YTHDF3: variants seen among roughly 807,000 people sequenced by gnomAD.
The protein encoded by YTHDF3 is YTH N6-methyladenosine RNA binding protein F3.
A neutral mutation model predicts 52.5 loss-of-function variants in YTHDF3; 9 were observed. The observed-to-expected ratio is 0.17, with a 90% CI of 0.10 to 0.30. The LOEUF (loss-of-function observed/expected upper bound fraction) is 0.30, where lower values mean the gene tolerates loss of function less well. YTHDF3 is among the 10% of genes least tolerant of loss of function. YTHDF3 has a pLI of 1.00. For missense variants in YTHDF3, 534 were observed against 715.0 expected (o/e 0.75, Z 2.89); for synonymous variants, 274 against 243.3 (o/e 1.13, Z -1.18).
intron 3 of YTHDF3, among the ~76,000 whole-genome samples, chr8:63,181,108 TGAA>T (rs1466049683): frequency 6.6e-6 from 1 of 152,234 alleles, no homozygotes; most frequent in Non-Finnish European, 1.5e-5. Context: ...CATATAAATT[TGAA>T]GAATAATTTG....
At position 63,211,547 on chromosome 8, in the gene YTHDF3, A is replaced by T. The variant is rs1481187543; in HGVS notation, c.*1841A>T. The T allele has an allele frequency of 1.3e-5, 2 of 152,576 alleles. No individual in the cohort carries two copies. Among genetic ancestry groups the T allele is most frequent in the Non-Finnish European group, 2.9e-5 (2 of 68,004 alleles). 9.5% of individuals were successfully genotyped at this position (152,576 alleles called of 1,614,324 possible). A position where few individuals can be genotyped will look rare whatever the true frequency, so the allele number is the denominator to read the frequency against. ...GTCATTCTGGAGGTCCTATTAGAGA[A>T]TATTATAAAAGGGTGACCTTGTAGG... On this transcript the variant is annotated 3_prime_UTR_variant, in exon 5 of 5. Transcript: ENST00000539294.
At chr8:63,169,787 T>A in intron 2 of YTHDF3, among the ~76,000 whole-genome samples, 1 of 152,218 alleles carries the variant, frequency 6.6e-6, no homozygotes, top group Non-Finnish European at 1.5e-5. Flanking sequence ...CATGTCTGGA[T>A]TACACTGGAA....
chr8:63,170,661 A>G (rs1322485382), intron 2 of YTHDF3, among the ~76,000 whole-genome samples: 2 of 152,164 alleles, frequency 1.3e-5, no homozygotes, highest in African/African-American at 2.4e-5. Flanking sequence ...TTCTTTTGCT[A>G]GTCTACCCAT....
intron 4 of YTHDF3, among the ~76,000 whole-genome samples, chr8:63,200,776 T>C (rs1809580191): frequency 6.6e-6 from 1 of 152,216 alleles, no homozygotes; most frequent in Non-Finnish European, 1.5e-5. Flanking sequence ...TTCTAGCAAA[T>C]ACAATTTTGA....
At chr8:63,191,418 T>C (rs552204152) in intron 4 of YTHDF3, among the ~76,000 whole-genome samples, 36 of 152,302 alleles carry the variant, frequency 2.4e-4, no homozygotes, top group African/African-American at 8.2e-4. Flanking sequence ...GGTTTTGCAT[T>C]CTTCACTGAT....
intron 4 of YTHDF3, among the ~76,000 whole-genome samples, chr8:63,192,815 C>T (rs886066095): frequency 1.4e-4 from 19 of 140,294 alleles, no homozygotes; most frequent in Non-Finnish European, 7.5e-5. Context: ...ACTACTTATG[C>T]CTTTTTTTTT....
intron 3 of YTHDF3, among the ~76,000 whole-genome samples, chr8:63,177,198 A>G (rs1036641546): frequency 2.6e-5 from 4 of 152,318 alleles, no homozygotes; most frequent in Non-Finnish European, 4.4e-5. Context: ...CAGTAGAGTT[A>G]TAGGGAAAAT....
At chr8:63,195,731 CGTGTGTGTGTGT>C (rs61277098) in intron 4 of YTHDF3, among the ~76,000 whole-genome samples, 7 of 145,360 alleles carry the variant, frequency 4.8e-5, no homozygotes, top group Middle Eastern at 3.5e-3. Flanking sequence ...CATGTATTTA[CGTGTGTGTGTGT>C]GTGTGTGTGT....
intron 1 of YTHDF3, 51 bp from the exon 2 acceptor site, chr8:63,169,336 T>C (rs1431341884): frequency 6.4e-7 from 1 of 1,570,352 alleles, no homozygotes; most frequent in Non-Finnish European, 8.7e-7. Flanking sequence ...ACACACTTTT[T>C]CTTTTCTTCC....
chr8:63,187,721 A>G lies in YTHDF3; in HGVS notation c.1710A>G (p.Gln570=). The change falls in exon 4 of 5, where the codon CAA becomes CAG. Residue 570 remains glutamine (Q), a synonymous_variant. Transcript: ENST00000539294. The part of the protein sequence containing the change: ...FDDFAHYEKR[Q]EEEEAMRRER... The stretch of plus-strand genomic sequence containing the variant: ...ACTTTGCACATTATGAAAAGCGTCA[A>G]GAAGAGGAGGAAGCCATGCGTAGGG... The G allele has an allele frequency of 1.9e-6, 3 of 1,609,298 alleles. No homozygotes were observed. The highest frequency in any genetic ancestry group is 2.5e-6 in the Non-Finnish European group (3 of 1,177,570).
chr8:63,203,976 C>T lies in YTHDF3; in HGVS notation c.1735-5707C>T, dbSNP rs115543419. Among the ~76,000 whole-genome samples, 812 of 152,222 alleles carry T rather than the reference C, an allele frequency of 5.3e-3. 11 individuals carry two copies. Among genetic ancestry groups the T allele is most frequent in the African/African-American group, 0.019 (788 of 41,546 alleles). ...AAGTGGTGTCTGCTAGGTTTCTCCACCATAAAATGTTCTGTTATTCCCTTT... is the reference window on the plus strand; with the variant it reads ...AAGTGGTGTCTGCTAGGTTTCTCCATCATAAAATGTTCTGTTATTCCCTTT... On this transcript the variant is annotated intron_variant, in intron 4 of 4. Transcript: ENST00000539294.
intron 3 of YTHDF3, among the ~76,000 whole-genome samples, chr8:63,179,473 G>A (rs969921840): frequency 6.6e-6 from 1 of 152,110 alleles, no homozygotes; most frequent in South Asian, 2.1e-4. Flanking sequence ...ATCTTGCACC[G>A]CTCTTAATCC....
rs957811627 is a variant in YTHDF3, at chr8:63,212,372, C to T, written c.*2666C>T. The T allele has an allele frequency of 2.6e-5, 4 of 152,422 alleles. No individual in the cohort carries two copies. In the East Asian group the frequency reaches 5.8e-4, roughly 22 times the overall value. The allele number at this position is 152,422 out of a possible 1,614,324, so 9.4% of individuals were successfully genotyped here. A position where few individuals can be genotyped will look rare whatever the true frequency, so the allele number is the denominator to read the frequency against. ...TTTAATTTAAGTGATCTTTCTAATTCGAAAGCTGTGTTCTTTTTGAATACC... is the reference window on the plus strand; with the variant it reads ...TTTAATTTAAGTGATCTTTCTAATTTGAAAGCTGTGTTCTTTTTGAATACC... On this transcript the variant is annotated 3_prime_UTR_variant, in exon 5 of 5. Coordinates refer to ENST00000539294, the MANE Select transcript of YTHDF3 (RefSeq NM_152758.6).
intron 4 of YTHDF3, among the ~76,000 whole-genome samples, chr8:63,209,428 A>G (rs764641909): frequency 3.9e-5 from 6 of 152,204 alleles, no homozygotes; most frequent in East Asian, 3.8e-4. Flanking sequence ...TAAACAAACA[A>G]TAGGGATGTG....
At chr8:63,172,701 G>A (rs1172757974) in intron 2 of YTHDF3, 1 of 1,137,840 alleles carries the variant, frequency 8.8e-7, no homozygotes, top group Non-Finnish European at 1.1e-6. Flanking sequence ...ACTTGATGTA[G>A]TCAGGACCAG....
At chr8:63,193,286 G>T (rs1487223338) in intron 4 of YTHDF3, among the ~76,000 whole-genome samples, 1 of 149,020 alleles carries the variant, frequency 6.7e-6, no homozygotes, top group African/African-American at 2.5e-5. Flanking sequence ...GCTGAGACAG[G>T]AGAATTGGTT....
intron 3 of YTHDF3, among the ~76,000 whole-genome samples, chr8:63,183,872 G>C (rs2130067081): frequency 6.6e-6 from 1 of 152,280 alleles, no homozygotes; most frequent in African/African-American, 2.4e-5. Context: ...ACCAAAATCT[G>C]TGTATGCTCA....
Position 63,210,575 on chromosome 8 carries a change from A to G in YTHDF3, c.*869A>G, listed in dbSNP as rs971423291. ...GGTGTTTGCGAGCCTGATTGCTATCATGAAGTAAAAATTTATTACTCTAGG... is the reference window on the plus strand; with the variant it reads ...GGTGTTTGCGAGCCTGATTGCTATCGTGAAGTAAAAATTTATTACTCTAGG... On this transcript the variant is annotated 3_prime_UTR_variant, in exon 5 of 5. Transcript: ENST00000539294. 1.3e-5 allele frequency: 2 copies of G among 152,620 alleles called. No homozygotes were observed. Among genetic ancestry groups the G allele is most frequent in the Non-Finnish European group, 2.9e-5 (2 of 67,998 alleles). The allele number at this position is 152,620 out of a possible 1,614,324, so 9.5% of individuals were successfully genotyped here.
At chr8:63,206,774 C>CT (rs1351607895) in intron 4 of YTHDF3, among the ~76,000 whole-genome samples, 1 of 151,756 alleles carries the variant, frequency 6.6e-6, no homozygotes, top group Non-Finnish European at 1.5e-5. Flanking sequence ...AAAACTTCAG[C>CT]TTTTAAGTTT....
Sources: allele counts gnomAD v4.1 joint callset (sites outside exome capture counted in the v4.1 genomes callset), GRCh38; gene constraint gnomAD v4.1.1; transcripts MANE v1.5; gene names NCBI Gene and HGNC (gene_info 2026-07-23, HGNC 2026-07-21).